Variants in ST6GALNAC3 observed in about 807,000 individuals in gnomAD.
ST6GALNAC3 encodes the protein alpha-N-acetylgalactosaminide alpha-2,6-sialyltransferase 3.
A neutral mutation model predicts 32.7 loss-of-function variants in ST6GALNAC3; 25 were observed. The observed-to-expected ratio is 0.76, with a 90% confidence interval of 0.56 to 1.07. The LOEUF (loss-of-function observed/expected upper bound fraction) is 1.07. Among genes scored for constraint, ST6GALNAC3 ranks in the 50% least tolerant of loss-of-function variants. The probability of loss-of-function intolerance (pLI) is 0.00; values close to 1 mark genes in which losing one functional copy is unlikely to be tolerated. For missense variants in ST6GALNAC3, 355 were observed against 382.4 expected, an observed-to-expected ratio of 0.93 and a Z score of 0.60; for synonymous variants, 129 against 133.1, an observed-to-expected ratio of 0.97 and a Z score of 0.21.
chr1:76,380,760 AGAGTGATAACTT>A (rs1475398895), intron 2 of ST6GALNAC3, among the ~76,000 whole-genome samples: 1 of 152,212 alleles, frequency 6.6e-6, no homozygotes, highest in Non-Finnish European at 1.5e-5. Flanking sequence ...TGGAGAAAAT[AGAGTGATAACTT>A]GAGTTCTAGT....
intron 1 of ST6GALNAC3, among the ~76,000 whole-genome samples, chr1:76,098,888 G>C (rs1647175904): frequency 6.6e-6 from 1 of 151,932 alleles, no homozygotes; most frequent in African/African-American, 2.4e-5. Flanking sequence ...TTAATGTCTA[G>C]AAACTACATT....
intron 1 of ST6GALNAC3, among the ~76,000 whole-genome samples, chr1:76,271,013 A>G (rs561232157): frequency 6.6e-6 from 1 of 152,270 alleles, no homozygotes; most frequent in South Asian, 2.1e-4. Context: ...GATACCATGG[A>G]ACTTTGACCT....
intron 3 of ST6GALNAC3, among the ~76,000 whole-genome samples, chr1:76,415,171 C>CTTT (rs71072000): frequency 0.018 from 1,242 of 70,444 alleles, 61 homozygotes; most frequent in Middle Eastern, 0.025. Context: ...GGATTCATGT[C>CTTT]TTTTTTTTTT....
At chr1:76,236,820 T>G (rs1203260021) in intron 1 of ST6GALNAC3, among the ~76,000 whole-genome samples, 6 of 152,218 alleles carry the variant, frequency 3.9e-5, no homozygotes, top group Non-Finnish European at 8.8e-5. Flanking sequence ...TCTAAAATAA[T>G]TTTTTAGATA....
At chr1:76,156,750 G>A (rs921110849) in intron 1 of ST6GALNAC3, among the ~76,000 whole-genome samples, 4 of 151,524 alleles carry the variant, frequency 2.6e-5, no homozygotes, top group Admixed American at 2.6e-4. Flanking sequence ...CCTTTTTTTT[G>A]AGACGGAGTC....
At chr1:76,198,732 G>C (rs1322033791) in intron 1 of ST6GALNAC3, among the ~76,000 whole-genome samples, 1 of 152,182 alleles carries the variant, frequency 6.6e-6, no homozygotes, top group Non-Finnish European at 1.5e-5. Flanking sequence ...GGAAAGTCAG[G>C]AGAGGATTGC....
intron 3 of ST6GALNAC3, among the ~76,000 whole-genome samples, chr1:76,532,144 G>A (rs1303120214): frequency 6.6e-6 from 1 of 152,118 alleles, no homozygotes; most frequent in Non-Finnish European, 1.5e-5. Context: ...TTGATTGTTG[G>A]TGCTCTGGTG....
intron 3 of ST6GALNAC3, among the ~76,000 whole-genome samples, chr1:76,609,370 A>G (rs775254452): frequency 2.6e-5 from 4 of 152,198 alleles, no homozygotes; most frequent in Admixed American, 6.5e-5. Context: ...TTGTGATGCC[A>G]GCCTTTAGTT....
chr1:76,243,584 G>A (rs1173776486), intron 1 of ST6GALNAC3, among the ~76,000 whole-genome samples: 3 of 151,930 alleles, frequency 2.0e-5, no homozygotes, highest in Admixed American at 1.3e-4. Flanking sequence ...TTATGGTTTG[G>A]GGTTTTACAT....
At chr1:76,378,203 T>G (rs947571280) in intron 2 of ST6GALNAC3, among the ~76,000 whole-genome samples, 1 of 152,150 alleles carries the variant, frequency 6.6e-6, no homozygotes, top group Non-Finnish European at 1.5e-5. Context: ...ACTCTTACTT[T>G]GGGAGGATGA....
At chr1:76,140,138 T>C (rs1363452162) in intron 1 of ST6GALNAC3, among the ~76,000 whole-genome samples, 1 of 152,220 alleles carries the variant, frequency 6.6e-6, no homozygotes, top group African/African-American at 2.4e-5. Context: ...ATGCTTCCTC[T>C]GCCTGTCTCT....
chr1:76,203,234 A>G (rs906989549), intron 1 of ST6GALNAC3, among the ~76,000 whole-genome samples: 4 of 152,178 alleles, frequency 2.6e-5, no homozygotes, highest in African/African-American at 7.2e-5. Context: ...ACTTAGCTCA[A>G]ATAAATCAGA....
Position 76,313,809 on chromosome 1 carries a change from A to T in ST6GALNAC3, c.23A>T (p.Lys8Met), listed in dbSNP as rs779661360. 1 of 1,612,612 alleles carries T rather than the reference A, an allele frequency of 6.2e-7. No homozygotes were observed. Among genetic ancestry groups the T allele is most frequent in the Non-Finnish European group, 8.5e-7 (1 of 1,179,354 alleles). Residue 8 changes from lysine to methionine, a missense_variant, in exon 2 of 5, where the codon AAG (lysine) becomes ATG (methionine). Lys to Met is a moderately conservative substitution (Grantham distance 95). Transcript: ENST00000328299. MACILKR[K>M]SVIAVSFIAA... ...TGTTTTTTTAATGTTTTGTAGAGAA[A>T]GTCTGTGATTGCTGTGAGCTTCATA...
At chr1:76,144,086 C>T (rs1351982676) in intron 1 of ST6GALNAC3, among the ~76,000 whole-genome samples, 12 of 152,078 alleles carry the variant, frequency 7.9e-5, no homozygotes, top group East Asian at 3.9e-4. Flanking sequence ...AGTAAATGAA[C>T]CAGGTCTCTC....
chr1:76,371,528 G>A (rs1650817071), intron 2 of ST6GALNAC3, among the ~76,000 whole-genome samples: 1 of 152,174 alleles, frequency 6.6e-6, no homozygotes, highest in South Asian at 2.1e-4. Flanking sequence ...TCAGTTTAGA[G>A]GAAGCCTAGA....
At chr1:76,303,978 C>T (rs985196000) in intron 1 of ST6GALNAC3, among the ~76,000 whole-genome samples, 1 of 142,990 alleles carries the variant, frequency 7.0e-6, no homozygotes, top group Non-Finnish European at 1.6e-5. Flanking sequence ...TCCCATTCCC[C>T]ACCACATTCA....
chr1:76,349,265 G>A (rs1648779911), intron 2 of ST6GALNAC3, among the ~76,000 whole-genome samples: 1 of 152,084 alleles, frequency 6.6e-6, no homozygotes, highest in Non-Finnish European at 1.5e-5. Flanking sequence ...ATTCTTAAAA[G>A]TGTCCATGAC....
At chr1:76,167,011 T>C (rs1336663057) in intron 1 of ST6GALNAC3, among the ~76,000 whole-genome samples, 1 of 152,158 alleles carries the variant, frequency 6.6e-6, no homozygotes, top group Non-Finnish European at 1.5e-5. Flanking sequence ...TCTTGCCTGA[T>C]TGATCTGGCC....
intron 3 of ST6GALNAC3, among the ~76,000 whole-genome samples, chr1:76,582,334 T>G (rs1646903623): frequency 1.3e-5 from 2 of 152,130 alleles, no homozygotes; most frequent in African/African-American, 4.8e-5. Flanking sequence ...TTATAACAAC[T>G]TGGTGGCTGG....
Sources: allele counts gnomAD v4.1 joint callset (sites outside exome capture counted in the v4.1 genomes callset), GRCh38; gene constraint gnomAD v4.1.1; transcripts MANE v1.5; gene names NCBI Gene and HGNC (gene_info 2026-07-23, HGNC 2026-07-21).